USH2A: variants seen among roughly 807,000 people sequenced by gnomAD.
The protein encoded by USH2A is Usher syndrome 2A (autosomal recessive, mild).
Under a neutral mutation model 538.9 loss-of-function variants are expected in USH2A, and 443 were observed. The observed-to-expected ratio is 0.82, with a 90% confidence interval of 0.76 to 0.89. USH2A has a LOEUF of 0.89. Ranked by LOEUF, USH2A falls within the 40% of genes least tolerant of loss-of-function variation. USH2A has a pLI of 0.00. For missense variants in USH2A, 6,633 were observed against 6,324.8 expected (o/e 1.05, Z -1.65); for synonymous variants, 2,413 against 2,273.5 (o/e 1.06, Z -1.75).
At chr1:216,301,300 G>T (rs1465169519) in intron 9 of USH2A, among the ~76,000 whole-genome samples, 1 of 152,138 alleles carries the variant, frequency 6.6e-6, no homozygotes, top group Admixed American at 6.5e-5. Flanking sequence ...AAGGTCCTGA[G>T]AGCTCCCAGT....
intron 50 of USH2A, among the ~76,000 whole-genome samples, chr1:215,793,901 CG>C (rs1662049228): frequency 6.6e-6 from 1 of 152,048 alleles, no homozygotes; most frequent in African/African-American, 2.4e-5. Context: ...TTGAATGAAA[CG>C]GAGGTTTTAA....
intron 3 of USH2A, among the ~76,000 whole-genome samples, chr1:216,394,204 T>C (rs2039162575): frequency 6.6e-6 from 1 of 152,184 alleles, no homozygotes; most frequent in Non-Finnish European, 1.5e-5. Context: ...GCAAAACAAC[T>C]GTAATCTGAC....
intron 21 of USH2A, among the ~76,000 whole-genome samples, chr1:216,165,233 T>A (rs2034142913): frequency 6.6e-6 from 1 of 152,166 alleles, no homozygotes; most frequent in Admixed American, 6.6e-5. Context: ...CCTATTGCAA[T>A]AAGCCCTAAT....
chr1:216,281,326 G>A (rs2036771590), intron 11 of USH2A, among the ~76,000 whole-genome samples: 1 of 151,966 alleles, frequency 6.6e-6, no homozygotes, highest in African/African-American at 2.4e-5. Context: ...GACTATAAAA[G>A]TTATAAATAA....
intron 21 of USH2A, among the ~76,000 whole-genome samples, chr1:216,119,629 T>G (rs923634729): frequency 2.0e-5 from 3 of 152,148 alleles, no homozygotes; most frequent in African/African-American, 7.2e-5. Flanking sequence ...ATATATTTTT[T>G]TATTTTTTTC....
intron 59 of USH2A, among the ~76,000 whole-genome samples, chr1:215,742,376 A>G (rs1660329908): frequency 6.6e-6 from 1 of 152,082 alleles, no homozygotes; most frequent in East Asian, 1.9e-4. Flanking sequence ...TGTTTTCTTT[A>G]TTTAGCAAAT....
At chr1:215,686,250 TCAGTGTGG>T (rs1658420393) in intron 61 of USH2A, among the ~76,000 whole-genome samples, 2 of 152,076 alleles carry the variant, frequency 1.3e-5, no homozygotes, top group African/African-American at 4.8e-5. Flanking sequence ...TACACACAAT[TCAGTGTGG>T]CAGTGCTATA....
At chr1:215,714,978 T>A (rs140977885) in intron 61 of USH2A, among the ~76,000 whole-genome samples, 1 of 152,316 alleles carries the variant, frequency 6.6e-6, no homozygotes, top group East Asian at 1.9e-4. Flanking sequence ...TGACAGAAAT[T>A]ATACTTTTAA....
chr1:216,026,729 GTGAGAAAGACAA>G (rs1413323122), intron 32 of USH2A, among the ~76,000 whole-genome samples: 1 of 152,154 alleles, frequency 6.6e-6, no homozygotes, highest in African/African-American at 2.4e-5. Flanking sequence ...TCATGATCTA[GTGAGAAAGACAA>G]TGAGGTTAAT....
intron 3 of USH2A, among the ~76,000 whole-genome samples, chr1:216,383,609 A>G (rs1336166169): frequency 6.6e-6 from 1 of 152,182 alleles, no homozygotes; most frequent in African/African-American, 2.4e-5. Flanking sequence ...TTAATTTTCT[A>G]TGGGAGTTAA....
chr1:215,638,241 A>C (rs1193093041), intron 69 of USH2A, among the ~76,000 whole-genome samples: 1 of 152,136 alleles, frequency 6.6e-6, no homozygotes, highest in Non-Finnish European at 1.5e-5. Context: ...ACAATTCTTT[A>C]TTGACAGGGT....
At chr1:215,862,587 C>T (rs756709693) in intron 44 of USH2A, among the ~76,000 whole-genome samples, 46 of 152,162 alleles carry the variant, frequency 3.0e-4, no homozygotes, top group Non-Finnish European at 6.0e-4. Context: ...ATGCTTTTAT[C>T]TGAATAGTCT....
intron 55 of USH2A, among the ~76,000 whole-genome samples, chr1:215,767,406 A>C (rs6696319): frequency 0.12 from 18,734 of 152,166 alleles, 1,272 homozygotes; most frequent in African/African-American, 0.13. Flanking sequence ...CCCAAGCCAT[A>C]TTCAACTCAT....
intron 3 of USH2A, among the ~76,000 whole-genome samples, chr1:216,403,414 A>G (rs2039340821): frequency 6.6e-6 from 1 of 152,116 alleles, no homozygotes; most frequent in Non-Finnish European, 1.5e-5. Context: ...TCAACATACT[A>G]CTAAAAATTC....
At chr1:215,960,944 A>G (rs1362483034) in intron 37 of USH2A, among the ~76,000 whole-genome samples, 1 of 152,002 alleles carries the variant, frequency 6.6e-6, no homozygotes, top group Non-Finnish European at 1.5e-5. Flanking sequence ...TGTCTGCCTT[A>G]GCTTTTTTAT....
intron 47 of USH2A, among the ~76,000 whole-genome samples, chr1:215,830,591 G>A (rs1663284248): frequency 6.6e-6 from 1 of 152,162 alleles, no homozygotes; most frequent in African/African-American, 2.4e-5. Context: ...GAAGTCCAAA[G>A]GAGCTGGAAA....
chr1:216,292,017 AAAT>A (rs979959955), intron 10 of USH2A, among the ~76,000 whole-genome samples, 155 bp downstream of exon 10: 2 of 152,332 alleles, frequency 1.3e-5, no homozygotes, highest in East Asian at 3.9e-4. Flanking sequence ...AGTGATTTGG[AAAT>A]AGGAAGATTT....
intron 32 of USH2A, among the ~76,000 whole-genome samples, chr1:216,043,863 C>A (rs151239696): frequency 6.6e-6 from 1 of 152,018 alleles, no homozygotes; most frequent in Non-Finnish European, 1.5e-5. Flanking sequence ...TTCGTTTAGG[C>A]GCATGGAAGG....
chr1:215,780,790 C>T (rs549149264), intron 54 of USH2A, among the ~76,000 whole-genome samples: 1 of 152,356 alleles, frequency 6.6e-6, no homozygotes, highest in African/African-American at 2.4e-5. Context: ...ATCTATCTAT[C>T]TAAATGGTGG....
Sources: allele counts gnomAD v4.1 joint callset (sites outside exome capture counted in the v4.1 genomes callset), GRCh38; gene constraint gnomAD v4.1.1; transcripts MANE v1.5; gene names NCBI Gene and HGNC (gene_info 2026-07-23, HGNC 2026-07-21).